The following SLC16A7 variants were observed in gnomAD, a reference collection of about 807,000 sequenced individuals.
The protein encoded by SLC16A7 is monocarboxylate transporter 2.
In SLC16A7, 33 loss-of-function variants were observed where a neutral mutation model predicts 34.9. The ratio of observed to expected loss-of-function variants is 0.94; its 90% confidence interval spans 0.72 to 1.26. The LOEUF is 1.26. Among genes scored for constraint, SLC16A7 ranks in the 50% most tolerant of loss-of-function variants. SLC16A7 has a pLI of 0.00. For missense variants in SLC16A7, 573 were observed against 578.1 expected (o/e 0.99, Z 0.09); for synonymous variants, 201 against 206.6 (o/e 0.97, Z 0.23).
chr12:59,753,904 G>A (rs1395057027), intron 3 of SLC16A7, among the ~76,000 whole-genome samples: 2 of 152,132 alleles, frequency 1.3e-5, no homozygotes, highest in East Asian at 3.8e-4. Context: ...ATAACAACCT[G>A]TCTCTCAGAA....
intron 2 of SLC16A7, among the ~76,000 whole-genome samples, chr12:59,670,396 C>T (rs151159054): frequency 6.6e-6 from 1 of 151,952 alleles, no homozygotes; most frequent in African/African-American, 2.4e-5. Flanking sequence ...GAAGTAATCA[C>T]AGCCTGCCTT....
At chr12:59,678,216 C>T (rs927178164) in intron 2 of SLC16A7, among the ~76,000 whole-genome samples, 7 of 152,154 alleles carry the variant, frequency 4.6e-5, no homozygotes, top group African/African-American at 9.7e-5. Flanking sequence ...TGCAACATGG[C>T]GAGGAAGGGG....
At chr12:59,611,513 A>G (rs1454028930) in intron 1 of SLC16A7, among the ~76,000 whole-genome samples, 1 of 152,240 alleles carries the variant, frequency 6.6e-6, no homozygotes, top group African/African-American at 2.4e-5. Flanking sequence ...AAACCATATC[A>G]TTCTGCCTCT....
chr12:59,665,603 C>A (rs1027415487), intron 2 of SLC16A7, among the ~76,000 whole-genome samples: 15 of 152,004 alleles, frequency 9.9e-5, no homozygotes, highest in Non-Finnish European at 2.1e-4. Flanking sequence ...ACATTGCTCA[C>A]TAAGTTTTAA....
At chr12:59,736,610 A>G (rs1232543996) in intron 3 of SLC16A7, among the ~76,000 whole-genome samples, 1 of 152,100 alleles carries the variant, frequency 6.6e-6, no homozygotes, top group Non-Finnish European at 1.5e-5. Context: ...CTTCTAAACA[A>G]CAGACTGGGC....
At chr12:59,723,752 T>C (rs1386107842) in intron 3 of SLC16A7, among the ~76,000 whole-genome samples, 1 of 152,004 alleles carries the variant, frequency 6.6e-6, no homozygotes, top group African/African-American at 2.4e-5. Context: ...AGTGTAAATA[T>C]GCACAAATAC....
Position 59,727,166 on chromosome 12 carries a change from A to AT in SLC16A7, c.217+22149dup, listed in dbSNP as rs1483637085. Among the ~76,000 whole-genome samples, 259 of 142,806 alleles carry AT rather than the reference A, an allele frequency of 1.8e-3. 3 individuals are homozygous for AT. The highest frequency in any genetic ancestry group is 6.6e-3 in the African/African-American group (246 of 37,512). 93.7% of individuals were successfully genotyped at this position (142,806 alleles called of 152,430 possible). ...ATGAGATGGACATATATATATATAT[A>AT]TATAATATATATATGTTGTATTTAG... On this transcript the variant is annotated intron_variant, in intron 3 of 5. Coordinates refer to ENST00000547379, the MANE Select transcript of SLC16A7 (RefSeq NM_001270623.2).
chr12:59,763,052 A>G (rs1881183842), intron 3 of SLC16A7, among the ~76,000 whole-genome samples: 1 of 152,062 alleles, frequency 6.6e-6, no homozygotes, highest in Admixed American at 6.6e-5. Flanking sequence ...GGATCATAAG[A>G]CTACATGGTT....
chr12:59,626,236 GA>G (rs1259225968), intron 1 of SLC16A7, among the ~76,000 whole-genome samples: 3 of 141,406 alleles, frequency 2.1e-5, no homozygotes, highest in Non-Finnish European at 3.2e-5. Flanking sequence ...TTAAGTCCCT[GA>G]GGTTTTTTTG....
chr12:59,657,888 C>T (rs1592443156), intron 2 of SLC16A7, among the ~76,000 whole-genome samples: 1 of 151,868 alleles, frequency 6.6e-6, no homozygotes, highest in Admixed American at 6.6e-5. Context: ...TCTAGCTACC[C>T]ACACACAAAG....
At chr12:59,748,649 G>A (rs1333160842) in intron 3 of SLC16A7, among the ~76,000 whole-genome samples, 1 of 152,094 alleles carries the variant, frequency 6.6e-6, no homozygotes, top group Non-Finnish European at 1.5e-5. Context: ...CAAGATAATT[G>A]AATACAGCAA....
intron 2 of SLC16A7, among the ~76,000 whole-genome samples, chr12:59,660,406 A>G (rs1868781376): frequency 6.6e-6 from 1 of 152,098 alleles, no homozygotes; most frequent in African/African-American, 2.4e-5. Flanking sequence ...TGGCTTCTAT[A>G]AACTGTCTTT....
intron 2 of SLC16A7, among the ~76,000 whole-genome samples, chr12:59,656,953 G>A (rs1171331613): frequency 6.6e-6 from 1 of 151,896 alleles, no homozygotes; most frequent in Non-Finnish European, 1.5e-5. Context: ...TATAATCTGA[G>A]CATCAGTTTT....
intron 5 of SLC16A7, among the ~76,000 whole-genome samples, chr12:59,776,469 G>T (rs796905164): frequency 1.3e-5 from 2 of 152,264 alleles, no homozygotes; most frequent in African/African-American, 4.8e-5. Flanking sequence ...AGCAACCAAT[G>T]TATATTGTTT....
At chr12:59,657,644 C>A (rs542245100) in intron 2 of SLC16A7, among the ~76,000 whole-genome samples, 94 of 152,104 alleles carry the variant, frequency 6.2e-4, no homozygotes, top group Non-Finnish European at 1.1e-3. Flanking sequence ...CTGCTTTAGA[C>A]CTGGTGGTAG....
intron 3 of SLC16A7, among the ~76,000 whole-genome samples, chr12:59,736,192 AAG>A (rs1877570470): frequency 6.6e-6 from 1 of 152,202 alleles, no homozygotes; most frequent in Non-Finnish European, 1.5e-5. Context: ...ATCTTAAAGA[AAG>A]AGCAAAATAT....
At chr12:59,679,019 G>A (rs1215286485) in intron 2 of SLC16A7, among the ~76,000 whole-genome samples, 2 of 152,198 alleles carry the variant, frequency 1.3e-5, no homozygotes, top group Non-Finnish European at 2.9e-5. Flanking sequence ...TCCAAGATCA[G>A]AACAGGCAGC....
intron 3 of SLC16A7, among the ~76,000 whole-genome samples, chr12:59,706,307 G>A (rs1266090323): frequency 6.6e-6 from 1 of 151,776 alleles, no homozygotes; most frequent in Non-Finnish European, 1.5e-5. Context: ...TATTCTTTAG[G>A]ACATTATCTT....
intron 3 of SLC16A7, among the ~76,000 whole-genome samples, chr12:59,721,972 C>CAT (rs1310901649): frequency 1.3e-5 from 2 of 151,810 alleles, no homozygotes; most frequent in Non-Finnish European, 2.9e-5. Flanking sequence ...ATCTCCTTTC[C>CAT]ATATATACTT....
Sources: gnomAD v4.1 joint callset for allele counts (sites outside exome capture counted in the v4.1 genomes callset) on GRCh38, gnomAD v4.1.1 for gene constraint, MANE v1.5 for transcripts, NCBI Gene and HGNC (gene_info 2026-07-23, HGNC 2026-07-21) for gene names.